The following ADAMTS19 variants were observed in gnomAD, a reference collection of about 807,000 sequenced individuals.
ADAMTS19 encodes A disintegrin and metalloproteinase with thrombospondin motifs 19.
ADAMTS19 carries 93 observed loss-of-function variants against 153.3 expected under a neutral mutation model. The ratio of observed to expected loss-of-function variants is 0.61; its 90% CI spans 0.51 to 0.72. ADAMTS19 has a LOEUF of 0.72. ADAMTS19 is among the 30% of genes least tolerant of loss of function. The probability of loss-of-function intolerance (pLI) is 0.00; values close to 1 mark genes in which losing one functional copy is unlikely to be tolerated. For missense variants in ADAMTS19, 1,482 were observed against 1,552.1 expected (o/e 0.95, Z 0.76); for synonymous variants, 600 against 556.6 (o/e 1.08, Z -1.10).
intron 2 of ADAMTS19, among the ~76,000 whole-genome samples, chr5:129,462,206 C>G (rs749294861): frequency 2.0e-5 from 3 of 152,138 alleles, no homozygotes; most frequent in Non-Finnish European, 4.4e-5. Context: ...TTTTCATAAC[C>G]TACTTCAAAG....
intron 7 of ADAMTS19, among the ~76,000 whole-genome samples, chr5:129,573,303 G>A (rs578014797): frequency 1.5e-4 from 23 of 152,072 alleles, no homozygotes; most frequent in Non-Finnish European, 3.1e-4. Flanking sequence ...CTATTTCTTC[G>A]TTGTTCCTTT....
chr5:129,633,370 A>T (rs973247462), intron 10 of ADAMTS19, among the ~76,000 whole-genome samples: 12 of 152,166 alleles, frequency 7.9e-5, no homozygotes, highest in Admixed American at 6.6e-4. Context: ...TTGTTTATTT[A>T]CATTTTTAAA....
At chr5:129,535,737 G>A (rs1342465332) in intron 6 of ADAMTS19, among the ~76,000 whole-genome samples, 2 of 152,082 alleles carry the variant, frequency 1.3e-5, no homozygotes, top group Non-Finnish European at 2.9e-5. Context: ...GAACAGAACA[G>A]AGCCCTCAGA....
chr5:129,679,607 C>T (rs1448280689), intron 16 of ADAMTS19, among the ~76,000 whole-genome samples, 157 bp from the exon 17 acceptor site: 2 of 152,184 alleles, frequency 1.3e-5, no homozygotes, highest in African/African-American at 4.8e-5. Flanking sequence ...TGATTGCAGA[C>T]TTTTCCTAAA....
Position 129,526,283 on chromosome 5 carries a change from G to C in ADAMTS19, c.914-1G>C, listed in dbSNP as rs1335865558. 8 of 1,565,518 alleles carry C rather than the reference G, an allele frequency of 5.1e-6. No homozygotes were observed. The highest frequency in any genetic ancestry group is 6.9e-6 in the Non-Finnish European group (8 of 1,162,258). On this transcript the variant is annotated splice_acceptor_variant, in intron 3 of 22. Coordinates refer to ENST00000274487, the MANE Select transcript of ADAMTS19 (RefSeq NM_133638.6). LOFTEE classifies it high-confidence loss of function. ...TTGAAAAATTCAATTCTCTGTTGCAGATAAAGGAAGACCTAGGTCTAGAAA... is the reference window on the plus strand; with the variant it reads ...TTGAAAAATTCAATTCTCTGTTGCACATAAAGGAAGACCTAGGTCTAGAAA...
chr5:129,678,473 T>C (rs910419003), intron 16 of ADAMTS19, among the ~76,000 whole-genome samples: 2 of 152,102 alleles, frequency 1.3e-5, no homozygotes, highest in Non-Finnish European at 2.9e-5. Flanking sequence ...AGAGAACATA[T>C]ACATGTTGTT....
chr5:129,531,775 C>G (rs1752215577), intron 6 of ADAMTS19, among the ~76,000 whole-genome samples: 2 of 151,844 alleles, frequency 1.3e-5, no homozygotes, highest in South Asian at 2.1e-4. Flanking sequence ...GTTTGGAAAT[C>G]AAGATAGTAT....
At chr5:129,728,013 A>C (rs1424658053) in intron 21 of ADAMTS19, among the ~76,000 whole-genome samples, 1 of 152,132 alleles carries the variant, frequency 6.6e-6, no homozygotes, top group Admixed American at 6.6e-5. Flanking sequence ...GGTTGCGGTA[A>C]AGAAGCTGGC....
rs1434702596 is a variant in ADAMTS19, at chr5:129,489,995, C to T, written c.748-19082C>T. ...CTTTCAAAATGCTACCTATTAGGTA[C>T]TTTGGAATTAATTAAATTAATGCAG... On this transcript the variant is annotated intron_variant, in intron 2 of 22. Transcript: ENST00000274487. Among the ~76,000 whole-genome samples, 7 of 152,268 alleles carry T rather than the reference C, an allele frequency of 4.6e-5. No homozygotes were observed. The East Asian group carries it at 1.3e-3, about 29-fold the overall frequency.
chr5:129,694,999 C>T (rs956458194), intron 19 of ADAMTS19, 144 bp downstream of exon 19: 4 of 1,094,466 alleles, frequency 3.7e-6, no homozygotes, highest in Non-Finnish European at 4.9e-6. Context: ...CTTAAATAAG[C>T]AAGATCTAAG....
intron 21 of ADAMTS19, among the ~76,000 whole-genome samples, chr5:129,717,142 T>C (rs997960368): frequency 1.3e-5 from 2 of 152,198 alleles, no homozygotes; most frequent in Non-Finnish European, 2.9e-5. Context: ...ATTACATTAG[T>C]TTTTCACAAT....
At chr5:129,539,527 G>A (rs1439780659) in intron 6 of ADAMTS19, among the ~76,000 whole-genome samples, 1 of 152,064 alleles carries the variant, frequency 6.6e-6, no homozygotes, top group African/African-American at 2.4e-5. Flanking sequence ...AAGCCACTAA[G>A]TTCATGGTAA....
At chr5:129,583,550 T>G (rs1463393062) in intron 7 of ADAMTS19, among the ~76,000 whole-genome samples, 3 of 152,234 alleles carry the variant, frequency 2.0e-5, no homozygotes, top group East Asian at 1.9e-4. Context: ...GGTACACCAA[T>G]CAAATGTAGA....
intron 2 of ADAMTS19, among the ~76,000 whole-genome samples, chr5:129,503,932 T>A (rs1187945562): frequency 6.6e-6 from 1 of 152,172 alleles, no homozygotes; most frequent in Non-Finnish European, 1.5e-5. Context: ...TTTAAGCAAC[T>A]TCTCTTACCA....
intron 2 of ADAMTS19, among the ~76,000 whole-genome samples, chr5:129,470,952 C>T (rs1750043477): frequency 6.6e-6 from 1 of 152,074 alleles, no homozygotes; most frequent in Non-Finnish European, 1.5e-5. Context: ...CTAGCCTCAG[C>T]CTGGCTTTAC....
chr5:129,547,710 T>C (rs1234286365), intron 6 of ADAMTS19, among the ~76,000 whole-genome samples: 2 of 150,696 alleles, frequency 1.3e-5, no homozygotes, highest in African/African-American at 2.5e-5. Context: ...AGAGCCCGCA[T>C]TGCCAAGCCA....
At position 129,526,863 on chromosome 5, in the gene ADAMTS19, T is replaced by C. The variant is rs1025108411; in HGVS notation, c.1086+407T>C. 5.3e-5 allele frequency among the ~76,000 whole-genome samples: 8 copies of C among 151,972 alleles called. No individual in the cohort carries two copies. In the South Asian group the frequency reaches 1.7e-3, roughly 31 times the overall value. On this transcript the variant is annotated intron_variant, in intron 4 of 22. Coordinates refer to ENST00000274487, the MANE Select transcript of ADAMTS19 (RefSeq NM_133638.6). ...ATATATTTATGGGGTACATAAGATA[T>C]TTTGATAGAGGTATACTTTTGGTGA... is the stretch of plus-strand genomic sequence containing the variant.
At chr5:129,596,529 C>A in intron 7 of ADAMTS19, 30 bp from the exon 8 acceptor site, 1 of 1,402,778 alleles carries the variant, frequency 7.1e-7, no homozygotes, top group Non-Finnish European at 9.9e-7. Flanking sequence ...TTCATTCAGA[C>A]ATATAATAAT....
At chr5:129,733,452 TCAA>T (rs1167128343) in intron 21 of ADAMTS19, among the ~76,000 whole-genome samples, 1 of 150,948 alleles carries the variant, frequency 6.6e-6, no homozygotes, top group East Asian at 1.9e-4. Context: ...CTCAAACAAC[TCAA>T]CAAACAAAAA....
Sources: allele counts gnomAD v4.1 joint callset (sites outside exome capture counted in the v4.1 genomes callset), GRCh38; gene constraint gnomAD v4.1.1; transcripts MANE v1.5; gene names NCBI Gene and HGNC (gene_info 2026-07-23, HGNC 2026-07-21).